Variants in GNA14 observed in about 807,000 individuals in gnomAD.
GNA14 encodes the protein G protein subunit alpha 14.
Under a neutral mutation model 42.0 loss-of-function variants are expected in GNA14, and 50 were observed. The ratio of observed to expected loss-of-function variants is 1.19; its 90% CI spans 0.95 to 1.51. The LOEUF (loss-of-function observed/expected upper bound fraction) is 1.51, where lower values mean the gene tolerates loss of function less well. Ranked by LOEUF, GNA14 falls within the 40% of genes most tolerant of loss-of-function variation. GNA14 has a pLI of 0.00. For missense variants in GNA14, 473 were observed against 446.2 expected, an observed-to-expected ratio of 1.06 and a Z score of -0.54; for synonymous variants, 173 against 163.1, an observed-to-expected ratio of 1.06 and a Z score of -0.46.
intron 2 of GNA14, among the ~76,000 whole-genome samples, chr9:77,504,121 T>A (rs1461827533): frequency 6.6e-6 from 1 of 152,234 alleles, no homozygotes; most frequent in Non-Finnish European, 1.5e-5. Context: ...CTTTATCGCC[T>A]ACTTTTGTTA....
At chr9:77,493,026 A>AAATATATAT (rs1554691641) in intron 2 of GNA14, among the ~76,000 whole-genome samples, 14 of 51,698 alleles carry the variant, frequency 2.7e-4, no homozygotes, top group African/African-American at 1.5e-3. Flanking sequence ...AAAAAAAAAA[A>AAATATATAT]ATATATATAT....
chr9:77,602,946 C>T (rs1823591460), intron 1 of GNA14, among the ~76,000 whole-genome samples: 1 of 152,192 alleles, frequency 6.6e-6, no homozygotes, highest in Non-Finnish European at 1.5e-5. Flanking sequence ...CTGTACTGTA[C>T]ACATTTAATC....
chr9:77,538,529 T>G (rs1458431529), intron 1 of GNA14, among the ~76,000 whole-genome samples: 1 of 152,178 alleles, frequency 6.6e-6, no homozygotes, highest in Non-Finnish European at 1.5e-5. Context: ...GGAAATATGG[T>G]CATTTTAATT....
intron 1 of GNA14, among the ~76,000 whole-genome samples, chr9:77,530,745 C>T (rs565166257): frequency 1.3e-5 from 2 of 152,350 alleles, no homozygotes; most frequent in South Asian, 4.1e-4. Flanking sequence ...AGCCAACCCA[C>T]TGTCTTGCAG....
chr9:77,609,039 T>C (rs780335083), intron 1 of GNA14, among the ~76,000 whole-genome samples: 3 of 152,192 alleles, frequency 2.0e-5, no homozygotes, highest in Non-Finnish European at 4.4e-5. Flanking sequence ...AGCCTAAGAA[T>C]TTGCCAAATC....
At chr9:77,551,413 C>A (rs938026011) in intron 1 of GNA14, among the ~76,000 whole-genome samples, 2 of 152,174 alleles carry the variant, frequency 1.3e-5, no homozygotes, top group Non-Finnish European at 2.9e-5. Context: ...CGCCAGCCTG[C>A]CCCTTGGCCA....
At chr9:77,530,864 C>T (rs1327737045) in intron 1 of GNA14, among the ~76,000 whole-genome samples, 1 of 152,222 alleles carries the variant, frequency 6.6e-6, no homozygotes, top group Non-Finnish European at 1.5e-5. Context: ...TAGACACTGT[C>T]CTCCCATCTC....
At chr9:77,432,760 C>A (rs1001718994) in intron 3 of GNA14, among the ~76,000 whole-genome samples, 2 of 152,160 alleles carry the variant, frequency 1.3e-5, no homozygotes, top group Non-Finnish European at 2.9e-5. Context: ...ACACTGAATT[C>A]TGTAGCAGGT....
intron 2 of GNA14, among the ~76,000 whole-genome samples, chr9:77,481,276 A>T (rs1478331241): frequency 6.6e-5 from 10 of 152,192 alleles, no homozygotes; most frequent in South Asian, 2.1e-4. Context: ...TTCAAAGAAC[A>T]TCTTTATTTC....
intron 1 of GNA14, among the ~76,000 whole-genome samples, chr9:77,596,991 A>C (rs1823476529): frequency 6.6e-6 from 1 of 152,168 alleles, no homozygotes. Flanking sequence ...GTATAAAACC[A>C]AACTGTGCTC....
intron 2 of GNA14, among the ~76,000 whole-genome samples, chr9:77,518,716 C>T (rs1837301679): frequency 1.3e-5 from 2 of 152,136 alleles, no homozygotes; most frequent in African/African-American, 2.4e-5. Context: ...TTAGAAAAAT[C>T]AGTCATCTTC....
intron 2 of GNA14, among the ~76,000 whole-genome samples, chr9:77,464,647 T>C (rs1052552253): frequency 2.0e-5 from 3 of 152,144 alleles, no homozygotes; most frequent in Admixed American, 6.5e-5. Flanking sequence ...CCACCATCAT[T>C]ATGATCAATG....
intron 2 of GNA14, among the ~76,000 whole-genome samples, chr9:77,463,375 T>A (rs1836152412): frequency 6.6e-6 from 1 of 152,052 alleles, no homozygotes; most frequent in South Asian, 2.1e-4. Context: ...AAGCTTGGAA[T>A]CAGTGGATGT....
intron 2 of GNA14, among the ~76,000 whole-genome samples, chr9:77,503,170 G>C (rs1837002791): frequency 6.6e-6 from 1 of 152,130 alleles, no homozygotes; most frequent in Non-Finnish European, 1.5e-5. Context: ...GGAAAAGTAT[G>C]CCTACTCTAT....
At chr9:77,465,791 C>T (rs1836212133) in intron 2 of GNA14, among the ~76,000 whole-genome samples, 1 of 152,088 alleles carries the variant, frequency 6.6e-6, no homozygotes, top group Admixed American at 6.6e-5. Flanking sequence ...ATGTTTTATA[C>T]AGACGGGGTC....
intron 2 of GNA14, among the ~76,000 whole-genome samples, chr9:77,475,891 T>A (rs966346142): frequency 6.6e-6 from 1 of 152,062 alleles, no homozygotes; most frequent in Non-Finnish European, 1.5e-5. Flanking sequence ...TACCCAAAGA[T>A]AGAGGGATGC....
rs1587754159 is a variant in GNA14 at position 77,428,841 on chromosome 9, G to A, written c.723+66C>T. 2.0e-6 allele frequency: 3 copies of A among 1,535,746 alleles called. No individual in the cohort carries two copies. In the East Asian group the frequency reaches 6.8e-5, roughly 35 times the overall value. On this transcript the variant is annotated intron_variant, in intron 5 of 6. Coordinates refer to ENST00000341700, the MANE Select transcript of GNA14 (RefSeq NM_004297.4). Reference sequence around the variant, plus strand: ...CGAGGGTCTATTTCCTGACCCGGCTGCCTTCTTAGAAACCACAGAATAGGC... The same window carrying A: ...CGAGGGTCTATTTCCTGACCCGGCTACCTTCTTAGAAACCACAGAATAGGC...
intron 1 of GNA14, chr9:77,580,152 C>G (rs1208543950): frequency 4.6e-6 from 1 of 219,114 alleles, no homozygotes; most frequent in Non-Finnish European, 9.4e-6. Flanking sequence ...TCAATAGTGC[C>G]CACTTGGGTC....
Position 77,427,391 on chromosome 9 carries a change from A to G in GNA14, c.723+1516T>C, listed in dbSNP as rs922388471. On this transcript the variant is annotated intron_variant, in intron 5 of 6. Coordinates refer to ENST00000341700, the MANE Select transcript of GNA14 (RefSeq NM_004297.4). ...AGCCAGCATTTCCGTTCTTTGCACAATGACACAATTAAATGGGTTAATCCT... is the reference window on the plus strand; with the variant it reads ...AGCCAGCATTTCCGTTCTTTGCACAGTGACACAATTAAATGGGTTAATCCT... Among the ~76,000 whole-genome samples the G allele has an allele frequency of 5.9e-5, 9 of 152,198 alleles. No homozygotes were observed. In the East Asian group the frequency reaches 1.5e-3, roughly 26 times the overall value.
Sources: allele counts gnomAD v4.1 joint callset (sites outside exome capture counted in the v4.1 genomes callset), GRCh38; gene constraint gnomAD v4.1.1; transcripts MANE v1.5; gene names NCBI Gene and HGNC (gene_info 2026-07-23, HGNC 2026-07-21).